The following RASAL3 variants were observed in gnomAD, a reference collection of about 807,000 sequenced individuals.
The protein encoded by RASAL3 is RAS protein activator like-3.
A neutral mutation model predicts 105.5 loss-of-function variants in RASAL3; 74 were observed. That is an observed-to-expected ratio of 0.70 (90% CI 0.58 to 0.85). The LOEUF is 0.85. Among genes scored for constraint, RASAL3 ranks in the 40% least tolerant of loss-of-function variants. RASAL3 has a pLI of 0.00. For missense variants in RASAL3, 1,352 were observed against 1,392.0 expected (o/e 0.97, Z 0.46); for synonymous variants, 579 against 591.6 (o/e 0.98, Z 0.31).
At position 15,457,669 on chromosome 19, in the gene RASAL3, C is replaced by G; in HGVS notation, c.1054G>C (p.Ala352Pro). The change falls in exon 9 of 18, where the codon GCC (alanine) becomes CCC (proline). Residue 352 changes from alanine (A) to proline (P), a missense_variant. Ala to Pro is a conservative substitution (Grantham distance 27). Transcript: ENST00000343625. This position sits in a 1 kb window ranked among gnomAD's most constrained non-coding sequence, Gnocchi z 8.6. ...PRAGPGQLFWAERFHFEALPP... is the reference protein window; with the variant it reads ...PRAGPGQLFWPERFHFEALPP... ...AGCGCCTCGAAGTGGAAGCGCTCGG[C>G]CCAGAAGAGCTGGCCTGGGCCGGCC... 6.9e-7 allele frequency: 1 copy of G among 1,448,382 alleles called. No homozygotes were observed. The highest frequency in any genetic ancestry group is 9.1e-7 in the Non-Finnish European group (1 of 1,102,650). 89.7% of individuals were successfully genotyped at this position (1,448,382 alleles called of 1,614,324 possible).
At chr19:15,460,680 C>A (rs1970479713) in intron 5 of RASAL3, among the ~76,000 whole-genome samples, 1 of 152,162 alleles carries the variant, frequency 6.6e-6, no homozygotes, top group Non-Finnish European at 1.5e-5. Context: ...CTGTGCCTGG[C>A]CCAAACTCCC....
In RASAL3 at chr19:15,461,193, AG is replaced by A. The variant is rs759107974; in HGVS notation, c.544+24del. 3 of 1,613,494 alleles carry A rather than the reference AG, an allele frequency of 1.9e-6. No homozygotes were observed. In the South Asian group the frequency reaches 3.3e-5, roughly 18 times the overall value. On this transcript the variant is annotated intron_variant, in intron 4 of 17. Transcript: ENST00000343625. ...ACTTTTAGAGCCTCCCAAATGCCCC[AG>A]GCCTTTCCACCCCTCAAGCTTACCT... is the stretch of plus-strand genomic sequence containing the variant.
rs1212769270 is a variant in RASAL3 at position 15,453,594 on chromosome 19, GTCCTT to G, written c.2280-102_2280-98del. 1.7e-5 allele frequency: 22 copies of G among 1,258,294 alleles called. No homozygotes were observed. Among genetic ancestry groups the G allele is most frequent in the Non-Finnish European group, 2.1e-5 (20 of 955,122 alleles). The allele number at this position is 1,258,294 out of a possible 1,614,324, so 77.9% of individuals were successfully genotyped here. ...GTGACCTCACCCCCCACGTGAACTT[GTCCTT>G]TCTTTTTTTTTTTTGAGACAAGGTC... On this transcript the variant is annotated intron_variant, in intron 14 of 17. Transcript: ENST00000343625. This position sits in a 1 kb window ranked among gnomAD's most constrained non-coding sequence, Gnocchi z 4.2.
rs922766298 is a variant in RASAL3, at chr19:15,457,863, C to G, written c.889-29G>C. On this transcript the variant is annotated intron_variant, in intron 8 of 17. Coordinates refer to ENST00000343625, the MANE Select transcript of RASAL3 (RefSeq NM_022904.3). The surrounding 1 kb of genome is among the most constrained non-coding windows in gnomAD (Gnocchi z 8.6). ...CAGATGGGAGTGGGATGGGGGGAAG[C>G]GTTTTGGTTTGTTGGCACCCCAAAG... The G allele has an allele frequency of 5.2e-6, 8 of 1,544,446 alleles. No individual in the cohort carries two copies. In the African/African-American group the frequency reaches 9.6e-5, roughly 19 times the overall value.
Position 15,464,277 on chromosome 19 carries a change from C to CT in RASAL3, c.81dup (p.Gly28ArgfsTer67). The CT allele has an allele frequency of 6.3e-7, 1 of 1,592,120 alleles. No homozygotes were observed. The highest frequency in any genetic ancestry group is 8.6e-7 in the Non-Finnish European group (1 of 1,167,334). On this transcript the variant is annotated frameshift_variant, in exon 2 of 18. Coordinates refer to ENST00000343625, the MANE Select transcript of RASAL3 (RefSeq NM_022904.3). LOFTEE classifies it high-confidence loss of function. ...CCAGCCGCCTTCTCCCCACCGCCCC[C>CT]TGTGTGCCAGCGGTAGGAAGTCAGC...
chr19:15,452,950 A>C lies in RASAL3; in HGVS notation c.2671-135T>G, dbSNP rs931468706. 8 of 1,462,030 alleles carry C rather than the reference A, an allele frequency of 5.5e-6. No homozygotes were observed. In the African/African-American group the frequency reaches 5.6e-5, roughly 10 times the overall value. The allele number at this position is 1,462,030 out of a possible 1,614,324, so 90.6% of individuals were successfully genotyped here. ...TTGGGGAACATCCCTCCTGCGGTAC[A>C]GCTGGGGAGACTGAAGCTCAGAGAG... On this transcript the variant is annotated intron_variant, in intron 15 of 17. Transcript: ENST00000343625.
rs1970149714 is a variant in RASAL3, at chr19:15,451,652, A to T, written c.*143T>A. 2 of 826,322 alleles carry T rather than the reference A, an allele frequency of 2.4e-6. No individual in the cohort carries two copies. 51.2% of individuals were successfully genotyped at this position (826,322 alleles called of 1,614,324 possible). ...CACTGAAATCAAGATTTTACTGGGC[A>T]ACTTCATACTGCCAGAGTGGTTGGG... is the stretch of plus-strand genomic sequence containing the variant. On this transcript the variant is annotated 3_prime_UTR_variant, in exon 18 of 18. Transcript: ENST00000343625.
Position 15,453,326 on chromosome 19 carries a change from C to A in RASAL3, c.2451G>T (p.Thr817=). 6.8e-7 allele frequency: 1 copy of A among 1,461,420 alleles called. No individual in the cohort carries two copies. Among genetic ancestry groups the A allele is most frequent in the Middle Eastern group, 2.3e-4 (1 of 4,388 alleles). The allele number at this position is 1,461,420 out of a possible 1,614,324, so 90.5% of individuals were successfully genotyped here. The change falls in exon 15 of 18, where the codon ACG becomes ACT. Residue 817 remains threonine (T), a synonymous_variant. Transcript: ENST00000343625. This position sits in a 1 kb window ranked among gnomAD's most constrained non-coding sequence, Gnocchi z 4.2. ...CAGGACGCCGGACCGGGACACTCTG[C>A]GTGCGCTGCACCGGCCGGGGCCGCC... ...PLRRPRPVQR[T]QSVPVRRPAR...
In RASAL3 at chr19:15,452,663, A is replaced by G. The variant is rs1004570897; in HGVS notation, c.2823T>C (p.Arg941=). 1 of 1,545,764 alleles carries G rather than the reference A, an allele frequency of 6.5e-7. No individual in the cohort carries two copies. The highest frequency in any genetic ancestry group is 1.4e-5 in the African/African-American group (1 of 72,722). ...ATGGAGAGGGCTGGGCTCACCCAGC[A>G]CGGAGCCTGGAGTCCAGATCCTGCA... is the stretch of plus-strand genomic sequence containing the variant. ...GQLQDLDSRL[R]AGSSEFDSEH... Residue 941 remains arginine (R), a synonymous_variant, in exon 16 of 18, where the codon CGT becomes CGC. Coordinates refer to ENST00000343625, the MANE Select transcript of RASAL3 (RefSeq NM_022904.3).
Position 15,452,711 on chromosome 19 carries a change from C to T in RASAL3, c.2775G>A (p.Gln925=), listed in dbSNP as rs753351235. ...LSTQIRALTE[Q]QEQLRGQLQD... ...GCAGCTGGCCCCGCAGCTGCTCCTG[C>T]TGCTCCGTCAAGGCCCGGATTTGGG... Residue 925 remains glutamine, a synonymous_variant, in exon 16 of 18, where the codon CAG becomes CAA. Transcript: ENST00000343625. 6.4e-7 allele frequency: 1 copy of T among 1,553,870 alleles called. No individual in the cohort carries two copies. The highest frequency in any genetic ancestry group is 8.7e-7 in the Non-Finnish European group (1 of 1,148,494).
chr19:15,453,077 C>T lies in RASAL3; in HGVS notation c.2670+30G>A, dbSNP rs764911817. On this transcript the variant is annotated intron_variant, in intron 15 of 17. Transcript: ENST00000343625. The surrounding 1 kb of genome is among the most constrained non-coding windows in gnomAD (Gnocchi z 4.2). ...CCCCAGTCGCGTCCCTGTTCCCACT[C>T]CCCAGGCGCGGACCTGGGCCTGACC... The T allele has an allele frequency of 2.2e-5, 35 of 1,611,992 alleles. No homozygotes were observed. The highest frequency in any genetic ancestry group is 3.0e-5 in the Non-Finnish European group (35 of 1,179,494).
chr19:15,454,468 C>G lies in RASAL3; in HGVS notation c.2053G>C (p.Val685Leu), dbSNP rs1970255001. 1 of 1,614,036 alleles carries G rather than the reference C, an allele frequency of 6.2e-7. No homozygotes were observed. Among genetic ancestry groups the G allele is most frequent in the Non-Finnish European group, 8.5e-7 (1 of 1,179,898 alleles). ...MQCFLDQVAMVDVDAAPSGYQ... is the reference protein window; with the variant it reads ...MQCFLDQVAMLDVDAAPSGYQ... Reference sequence around the variant, plus strand: ...CCACTGGGGGCAGCATCCACATCCACCATGGCTACCTGGTCCAGGAAGCAT... The same window carrying G: ...CCACTGGGGGCAGCATCCACATCCAGCATGGCTACCTGGTCCAGGAAGCAT... Residue 685 changes from valine to leucine, a missense_variant, in exon 13 of 18, where the codon GTG (valine) becomes CTG (leucine). Transcript: ENST00000343625.
In RASAL3 at chr19:15,457,005, C is replaced by T; in HGVS notation, c.1431+287G>A. On this transcript the variant is annotated intron_variant, in intron 9 of 17. Transcript: ENST00000343625. This position sits in a 1 kb window ranked among gnomAD's most constrained non-coding sequence, Gnocchi z 8.6. ...GGCCCAGTCCTTCAAGGTGCCCCGCCCCTTACAGGTGCAGCTCAGCCCCAG... is the reference window on the plus strand; with the variant it reads ...GGCCCAGTCCTTCAAGGTGCCCCGCTCCTTACAGGTGCAGCTCAGCCCCAG... The T allele has an allele frequency of 2.3e-6, 1 of 444,406 alleles. No individual in the cohort carries two copies. Among genetic ancestry groups the T allele is most frequent in the South Asian group, 3.5e-5 (1 of 28,516 alleles). The allele number at this position is 444,406 out of a possible 1,614,324, so 27.5% of individuals were successfully genotyped here.
Position 15,453,599 on chromosome 19 carries a change from T to A in RASAL3, c.2280-102A>T, listed in dbSNP as rs1406723658. The A allele has an allele frequency of 1.6e-6, 2 of 1,246,346 alleles. No homozygotes were observed. The highest frequency in any genetic ancestry group is 3.2e-5 in the African/African-American group (2 of 62,200). The allele number at this position is 1,246,346 out of a possible 1,614,324, so 77.2% of individuals were successfully genotyped here. A position where few individuals can be genotyped will look rare whatever the true frequency, so the allele number is the denominator to read the frequency against. On this transcript the variant is annotated intron_variant, in intron 14 of 17. Coordinates refer to ENST00000343625, the MANE Select transcript of RASAL3 (RefSeq NM_022904.3). This position sits in a 1 kb window ranked among gnomAD's most constrained non-coding sequence, Gnocchi z 4.2. ...CTCACCCCCCACGTGAACTTGTCCT[T>A]TCTTTTTTTTTTTTGAGACAAGGTC... is the stretch of plus-strand genomic sequence containing the variant.
Position 15,454,645 on chromosome 19 carries a change from C to T in RASAL3, c.1958+12G>A, listed in dbSNP as rs776825110. 2.8e-5 allele frequency: 45 copies of T among 1,610,760 alleles called. No individual in the cohort carries two copies. The East Asian group carries it at 6.2e-4, about 22-fold the overall frequency. On this transcript the variant is annotated intron_variant, in intron 12 of 17. Coordinates refer to ENST00000343625, the MANE Select transcript of RASAL3 (RefSeq NM_022904.3). ...AGCATGGTCCCCCCACCCCTAGCTTCCCAGCACCTACGGGGCACGGTTGGC... is the reference window on the plus strand; with the variant it reads ...AGCATGGTCCCCCCACCCCTAGCTTTCCAGCACCTACGGGGCACGGTTGGC...
In RASAL3 at chr19:15,457,768, C is replaced by G; in HGVS notation, c.955G>C (p.Ala319Pro). Residue 319 changes from alanine to proline, a missense_variant, in exon 9 of 18, where the codon GCA becomes CCA. By Grantham distance (27) the Ala-to-Pro change is conservative. Coordinates refer to ENST00000343625, the MANE Select transcript of RASAL3 (RefSeq NM_022904.3). This position sits in a 1 kb window ranked among gnomAD's most constrained non-coding sequence, Gnocchi z 8.6. ...WVHEAKGLPR[A>P]AAGAPGVRAE... is the part of the protein sequence containing the mutation. ...CGCACGCCGGGTGCCCCCGCCGCTG[C>G]TCGGGGAAGCCCCTTCGCTTCGTGC... 6.5e-7 allele frequency: 1 copy of G among 1,546,932 alleles called. No individual in the cohort carries two copies. The highest frequency in any genetic ancestry group is 8.7e-7 in the Non-Finnish European group (1 of 1,146,170).
In RASAL3 at chr19:15,456,244, C is replaced by T. The variant is rs770228043; in HGVS notation, c.1581G>A (p.Gln527=). The change falls in exon 11 of 18, where the codon CAG becomes CAA. Residue 527 remains glutamine (Q), a synonymous_variant. Coordinates refer to ENST00000343625, the MANE Select transcript of RASAL3 (RefSeq NM_022904.3). The surrounding 1 kb of genome is among the most constrained non-coding windows in gnomAD (Gnocchi z 4.4). The part of the protein sequence containing the change: ...AQDYLQETLG[Q]VVRRLCASTE... ...TAGAAGCACAGAGACGCCGCACAACCTGTCCTGCAGCCCAGCACAGCCAGA... is the reference window on the plus strand; with the variant it reads ...TAGAAGCACAGAGACGCCGCACAACTTGTCCTGCAGCCCAGCACAGCCAGA... 29 of 1,613,462 alleles carry T rather than the reference C, an allele frequency of 1.8e-5. No homozygotes were observed. Among genetic ancestry groups the T allele is most frequent in the Non-Finnish European group, 2.4e-5 (28 of 1,179,666 alleles).
At position 15,457,554 on chromosome 19, in the gene RASAL3, A is replaced by T. The variant is rs866848885; in HGVS notation, c.1169T>A (p.Leu390Gln). 7 of 1,159,456 alleles carry T rather than the reference A, an allele frequency of 6.0e-6. No homozygotes were observed. Among genetic ancestry groups the T allele is most frequent in the Middle Eastern group, 3.7e-4 (1 of 2,700 alleles). The allele number at this position is 1,159,456 out of a possible 1,614,324, so 71.8% of individuals were successfully genotyped here. ...LGRVALALEE[L>Q]DAPRAPAAGL... ...GGCGGCAGGCGCGCGTGGGGCGTCC[A>T]GCTCCTCCAGCGCCAGGGCCACGCG... is the stretch of plus-strand genomic sequence containing the variant. The change falls in exon 9 of 18, where the codon CTG (leucine) becomes CAG (glutamine). Residue 390 changes from leucine (L) to glutamine (Q), a missense_variant. Transcript: ENST00000343625. This position sits in a 1 kb window ranked among gnomAD's most constrained non-coding sequence, Gnocchi z 8.6.
rs374674382 is a variant in RASAL3, at chr19:15,456,686, A to T, written c.1432-40T>A. Reference sequence around the variant, plus strand: ...AGGTCAGGTTGCACCAGATGCAGACAGAGTCCAAGGGAATTCGGATCCTTG... The same window carrying T: ...AGGTCAGGTTGCACCAGATGCAGACTGAGTCCAAGGGAATTCGGATCCTTG... On this transcript the variant is annotated intron_variant, in intron 9 of 17. Coordinates refer to ENST00000343625, the MANE Select transcript of RASAL3 (RefSeq NM_022904.3). The surrounding 1 kb of genome is among the most constrained non-coding windows in gnomAD (Gnocchi z 4.4). The T allele has an allele frequency of 6.9e-6, 11 of 1,599,350 alleles. No individual in the cohort carries two copies. Among genetic ancestry groups the T allele is most frequent in the Non-Finnish European group, 8.5e-6 (10 of 1,175,680 alleles).
Sources: allele counts gnomAD v4.1 joint callset (sites outside exome capture counted in the v4.1 genomes callset), GRCh38; gene constraint gnomAD v4.1.1; non-coding constraint Gnocchi (gnomAD v3.1); transcripts MANE v1.5; gene names NCBI Gene and HGNC (gene_info 2026-07-23, HGNC 2026-07-21).